MAP3K7: variants seen among roughly 807,000 people sequenced by gnomAD.
MAP3K7 encodes the protein mitogen-activated protein kinase kinase kinase 7, also known as TGF-beta activated kinase 1.
Under a neutral mutation model 84.8 loss-of-function variants are expected in MAP3K7, and 21 were observed. The observed-to-expected ratio is 0.25, with a 90% CI of 0.18 to 0.36. The LOEUF is 0.36. MAP3K7 is among the 10% of genes least tolerant of loss of function. The probability of loss-of-function intolerance (pLI) is 1.00; values close to 1 mark genes in which losing one functional copy is unlikely to be tolerated. For missense variants in MAP3K7, 503 were observed against 747.7 expected (o/e 0.67, Z 3.82); for synonymous variants, 241 against 247.7 (o/e 0.97, Z 0.25).
At chr6:90,529,823 T>C (rs1279385547) in intron 13 of MAP3K7, among the ~76,000 whole-genome samples, 1 of 152,204 alleles carries the variant, frequency 6.6e-6, no homozygotes, top group East Asian at 1.9e-4. Flanking sequence ...CCATGCGTAC[T>C]TTTTATATTG....
chr6:90,580,613 C>G (rs558091052), intron 1 of MAP3K7, among the ~76,000 whole-genome samples: 1 of 152,272 alleles, frequency 6.6e-6, no homozygotes, highest in East Asian at 1.9e-4. Flanking sequence ...AGCCACCGTA[C>G]CTAGCCCAAC....
chr6:90,534,525 A>C (rs2127963672), intron 13 of MAP3K7, among the ~76,000 whole-genome samples: 1 of 152,246 alleles, frequency 6.6e-6, no homozygotes, highest in African/African-American at 2.4e-5. Flanking sequence ...CCCTCACCCC[A>C]AATCTTTCAG....
intron 1 of MAP3K7, among the ~76,000 whole-genome samples, chr6:90,585,928 C>T (rs143778883): frequency 6.6e-6 from 1 of 152,134 alleles, no homozygotes; most frequent in Non-Finnish European, 1.5e-5. Context: ...TATTGCTGTG[C>T]GGTATCGGAG....
rs527894845 is a variant in MAP3K7, at chr6:90,562,963, G to A, written c.298-1296C>T. Among the ~76,000 whole-genome samples, 103 of 152,256 alleles carry A rather than the reference G, an allele frequency of 6.8e-4. 1 individual carries two copies. Among genetic ancestry groups the A allele is most frequent in the South Asian group, 5.2e-3 (25 of 4,820 alleles). ...CTGCTGATGATACCCAGACAAACACGGTCTGGAGTGGACCTCCAGCAAACT... is the reference window on the plus strand; with the variant it reads ...CTGCTGATGATACCCAGACAAACACAGTCTGGAGTGGACCTCCAGCAAACT... On this transcript the variant is annotated intron_variant, in intron 3 of 16. Coordinates refer to ENST00000369329, the MANE Select transcript of MAP3K7 (RefSeq NM_145331.3).
At chr6:90,572,569 TA>T (rs398066048) in intron 1 of MAP3K7, among the ~76,000 whole-genome samples, 45 of 143,884 alleles carry the variant, frequency 3.1e-4, no homozygotes, top group South Asian at 1.3e-3. Context: ...ATGAAATTAT[TA>T]AAAAAAAAAA....
At chr6:90,557,412 GA>G (rs1776371509) in intron 5 of MAP3K7, among the ~76,000 whole-genome samples, 1 of 152,066 alleles carries the variant, frequency 6.6e-6, no homozygotes, top group Non-Finnish European at 1.5e-5. Flanking sequence ...TTTACATCTG[GA>G]GAGACTATTT....
intron 13 of MAP3K7, among the ~76,000 whole-genome samples, chr6:90,531,937 CA>C (rs1490050661): frequency 2.1e-5 from 3 of 144,642 alleles, no homozygotes; most frequent in South Asian, 2.2e-4. Context: ...GCCTGGCTGA[CA>C]GCGGGGACTG....
At position 90,523,575 on chromosome 6, in the gene MAP3K7, C is replaced by T. The variant is rs901198150; in HGVS notation, c.1462+103G>A. On this transcript the variant is annotated intron_variant, in intron 14 of 16. Coordinates refer to ENST00000369329, the MANE Select transcript of MAP3K7 (RefSeq NM_145331.3). ...TTATTTAATATAAAAATCTAAACAA[C>T]AGTATAATGCCTGCCTTTGTAAACA... is the stretch of plus-strand genomic sequence containing the variant. 20 of 639,368 alleles carry T rather than the reference C, an allele frequency of 3.1e-5. No homozygotes were observed. The African/African-American group carries it at 3.3e-4, about 10-fold the overall frequency. 39.6% of individuals were successfully genotyped at this position (639,368 alleles called of 1,614,324 possible). A position where few individuals can be genotyped will look rare whatever the true frequency, so the allele number is the denominator to read the frequency against.
At position 90,516,450 on chromosome 6, in the gene MAP3K7, TAAA is replaced by T; in HGVS notation, c.*48_*50del. On this transcript the variant is annotated 3_prime_UTR_variant, in exon 17 of 17. Coordinates refer to ENST00000369329, the MANE Select transcript of MAP3K7 (RefSeq NM_145331.3). Reference sequence around the variant, plus strand: ...CGTCATTATAAGGTTTTCCTTTCCTTAAAAAAAAAGTCTTTCTTTGCATATTTC... The same window carrying T: ...CGTCATTATAAGGTTTTCCTTTCCTTAAAAAAGTCTTTCTTTGCATATTTC... The T allele has an allele frequency of 6.5e-7, 1 of 1,540,168 alleles. No individual in the cohort carries two copies. The highest frequency in any genetic ancestry group is 8.8e-7 in the Non-Finnish European group (1 of 1,133,416).
intron 12 of MAP3K7, among the ~76,000 whole-genome samples, chr6:90,541,237 T>G (rs899026534): frequency 6.6e-6 from 1 of 152,034 alleles, no homozygotes; most frequent in Admixed American, 6.6e-5. Flanking sequence ...AACTCAAGTT[T>G]TAATAAAAAA....
intron 12 of MAP3K7, among the ~76,000 whole-genome samples, chr6:90,539,009 AT>A (rs1293064531): frequency 3.9e-5 from 6 of 152,066 alleles, no homozygotes; most frequent in Non-Finnish European, 8.8e-5. Context: ...AATATTACAC[AT>A]TATGGGACAC....
At chr6:90,517,096 A>G (rs376059354) in intron 16 of MAP3K7, among the ~76,000 whole-genome samples, 1 of 151,896 alleles carries the variant, frequency 6.6e-6, no homozygotes, top group African/African-American at 2.4e-5. Flanking sequence ...CTACTTAACT[A>G]TAGCAGAGAG....
chr6:90,521,497 C>T (rs9359888), intron 14 of MAP3K7, among the ~76,000 whole-genome samples: 4,104 of 152,052 alleles, frequency 0.027, 68 homozygotes, highest in Middle Eastern at 0.044. Context: ...TATGAAAAGG[C>T]CAGAGACTAT....
intron 3 of MAP3K7, among the ~76,000 whole-genome samples, chr6:90,563,561 G>A (rs1342456577): frequency 6.6e-6 from 1 of 152,142 alleles, no homozygotes; most frequent in East Asian, 1.9e-4. Context: ...CAAGAAATAT[G>A]GGACTATGTG....
chr6:90,551,998 G>A lies in MAP3K7; in HGVS notation c.867+51C>T. On this transcript the variant is annotated intron_variant, in intron 8 of 16. Coordinates refer to ENST00000369329, the MANE Select transcript of MAP3K7 (RefSeq NM_145331.3). Reference sequence around the variant, plus strand: ...CCTTTTAAAATTCCATTAAAACTCAGCACATATTAAATTCCCCTAAATCCA... The same window carrying A: ...CCTTTTAAAATTCCATTAAAACTCAACACATATTAAATTCCCCTAAATCCA... 6 of 1,557,212 alleles carry A rather than the reference G, an allele frequency of 3.9e-6. No individual in the cohort carries two copies. The South Asian group carries it at 7.1e-5, about 18-fold the overall frequency.
intron 16 of MAP3K7, 105 bp from the exon 17 acceptor site, chr6:90,516,786 T>C: frequency 2.2e-6 from 2 of 913,620 alleles, no homozygotes; most frequent in Non-Finnish European, 3.3e-6. Flanking sequence ...TGGTTTATCA[T>C]TTTGCATCTT....
chr6:90,515,217 C>T lies in MAP3K7; in HGVS notation c.*1284G>A, dbSNP rs931071543. ...GCTATAAAAATCAGACTGATGACAT[C>T]CTTATTTAAAAGACATCTTGTACTG... On this transcript the variant is annotated 3_prime_UTR_variant, in exon 17 of 17. Transcript: ENST00000369329. 6.6e-6 allele frequency: 1 copy of T among 151,848 alleles called. No homozygotes were observed. The highest frequency in any genetic ancestry group is 2.4e-5 in the African/African-American group (1 of 41,372). 9.4% of individuals were successfully genotyped at this position (151,848 alleles called of 1,614,324 possible). A position where few individuals can be genotyped will look rare whatever the true frequency, so the allele number is the denominator to read the frequency against.
chr6:90,518,238 CA>C (rs1046913140), intron 16 of MAP3K7, among the ~76,000 whole-genome samples: 2 of 151,562 alleles, frequency 1.3e-5, no homozygotes, highest in African/African-American at 4.8e-5. Flanking sequence ...AAGTATAAAG[CA>C]CCAGTTTATT....
At chr6:90,522,852 T>A (rs970096676) in intron 14 of MAP3K7, among the ~76,000 whole-genome samples, 1 of 152,210 alleles carries the variant, frequency 6.6e-6, no homozygotes, top group African/African-American at 2.4e-5. Context: ...TTACTATTAA[T>A]AACATAGTCG....
Sources: allele counts gnomAD v4.1 joint callset (sites outside exome capture counted in the v4.1 genomes callset), GRCh38; gene constraint gnomAD v4.1.1; transcripts MANE v1.5; gene names NCBI Gene and HGNC (gene_info 2026-07-23, HGNC 2026-07-21).